Variants in SCAF4 observed in about 807,000 individuals in gnomAD.
SCAF4 encodes SR-related and CTD-associated factor 4.
Under a neutral mutation model 129.8 loss-of-function variants are expected in SCAF4, and 25 were observed. The ratio of observed to expected loss-of-function variants is 0.19; its 90% CI spans 0.14 to 0.27. The LOEUF is 0.27. Among genes scored for constraint, SCAF4 ranks in the 10% least tolerant of loss-of-function variants. The pLI is 1.00. For synonymous variants in SCAF4, 551 were observed against 497.7 expected (o/e 1.11, Z -1.43); for missense variants, 1,246 against 1,457.1 (o/e 0.86, Z 2.36).
rs2049714695 is a variant in SCAF4 at position 31,671,977 on chromosome 21, G to A, written c.2866C>T (p.Pro956Ser). The change falls in exon 20 of 20, where the codon CCC becomes TCC. Residue 956 changes from proline (P) to serine (S), a missense_variant. This residue lies in a region of SCAF4 where 339 missense variants were observed against 325.0 expected (regional missense o/e 1.04). Transcript: ENST00000286835. ...TGCTGCTGCTGCTGTGGTTGCTGGG[G>A]CGCCTGCGGCTGTGGCTGCTGCTGT... ...QPQQQPQPQA[P>S]QQPQQQQQQQ... The A allele has an allele frequency of 6.2e-7, 1 of 1,611,362 alleles. No individual in the cohort carries two copies. The highest frequency in any genetic ancestry group is 8.5e-7 in the Non-Finnish European group (1 of 1,177,918).
intron 3 of SCAF4, among the ~76,000 whole-genome samples, chr21:31,704,334 T>C (rs1282506123): frequency 6.6e-6 from 1 of 152,144 alleles, no homozygotes; most frequent in Non-Finnish European, 1.5e-5. Flanking sequence ...TTAATTCTAT[T>C]ACAGTACCAA....
Position 31,671,403 on chromosome 21 carries a change from C to CG in SCAF4, c.3439dup (p.Arg1147ProfsTer18). The CG allele has an allele frequency of 6.2e-7, 1 of 1,612,910 alleles. No individual in the cohort carries two copies. On this transcript the variant is annotated frameshift_variant, in exon 20 of 20. Coordinates refer to ENST00000286835, the MANE Select transcript of SCAF4 (RefSeq NM_020706.2). LOFTEE classifies it high-confidence loss of function. ...CATTTTCACAAATTCCAGTCTCTAACGAGGAGCCTCTGCTGCTGAGCCAGA... is the reference window on the plus strand; with the variant it reads ...CATTTTCACAAATTCCAGTCTCTAACGGAGGAGCCTCTGCTGCTGAGCCAGA...
chr21:31,681,972 C>T lies in SCAF4; in HGVS notation c.2488+3077G>A, dbSNP rs754932233. ...AAGATCCAAGAACTCAGTTAAGTCT[C>T]GCTCACTGGAAAAACTACAGATATC... On this transcript the variant is annotated intron_variant, in intron 19 of 19. Transcript: ENST00000286835. Among the ~76,000 whole-genome samples, 13 of 152,170 alleles carry T rather than the reference C, an allele frequency of 8.5e-5. No individual in the cohort carries two copies. In the East Asian group the frequency reaches 1.5e-3, roughly 18 times the overall value.
intron 7 of SCAF4, among the ~76,000 whole-genome samples, chr21:31,697,579 A>G (rs1457284025): frequency 1.3e-5 from 2 of 152,190 alleles, no homozygotes; most frequent in African/African-American, 4.8e-5. Context: ...AGTCCTTTTG[A>G]CTTCAAAGCC....
chr21:31,705,421 A>AC lies in SCAF4; in HGVS notation c.159+1dup. 1 of 1,235,028 alleles carries AC rather than the reference A, an allele frequency of 8.1e-7. No individual in the cohort carries two copies. The highest frequency in any genetic ancestry group is 1.1e-6 in the Non-Finnish European group (1 of 877,324). 76.5% of individuals were successfully genotyped at this position (1,235,028 alleles called of 1,614,324 possible). A position where few individuals can be genotyped will look rare whatever the true frequency, so the allele number is the denominator to read the frequency against. On this transcript the variant is annotated splice_donor_variant, in intron 3 of 19. Coordinates refer to ENST00000286835, the MANE Select transcript of SCAF4 (RefSeq NM_020706.2). LOFTEE classifies it high-confidence loss of function. Reference sequence around the variant, plus strand: ...AATGAGGTTATAATGAGAGATAGTTACCTTTTTGATGAACTTTTCTACTAT... The same window carrying AC: ...AATGAGGTTATAATGAGAGATAGTTACCCTTTTTGATGAACTTTTCTACTAT...
rs2050199465 is a variant in SCAF4, at chr21:31,689,215, A to T, written c.1886-751T>A. 1.3e-5 allele frequency among the ~76,000 whole-genome samples: 2 copies of T among 152,076 alleles called. 1 individual carries two copies. The highest frequency in any genetic ancestry group is 4.1e-4 in the South Asian group (2 of 4,820). On this transcript the variant is annotated intron_variant, in intron 15 of 19. Transcript: ENST00000286835. The stretch of plus-strand genomic sequence containing the variant: ...AGATGAAGGCTTTGTACATCCAGGG[A>T]GGGAGTGGGATGTGGGAATAGTACA...
intron 1 of SCAF4, among the ~76,000 whole-genome samples, chr21:31,714,301 A>G (rs943757322): frequency 2.0e-5 from 3 of 152,176 alleles, no homozygotes; most frequent in East Asian, 3.9e-4. Flanking sequence ...GAATGAATAA[A>G]AAGTGTCAAA....
At chr21:31,709,972 T>C (rs2050761174) in intron 1 of SCAF4, among the ~76,000 whole-genome samples, 2 of 151,640 alleles carry the variant, frequency 1.3e-5, no homozygotes, top group Non-Finnish European at 2.9e-5. Context: ...CCATACCTGA[T>C]ACAATGCTGC....
At chr21:31,672,436 A>G in intron 19 of SCAF4, 82 bp from the exon 20 acceptor site, 1 of 1,097,202 alleles carries the variant, frequency 9.1e-7, no homozygotes, top group Non-Finnish European at 1.3e-6. Context: ...CGCTTAAAGC[A>G]AAATAAAATT....
chr21:31,694,137 A>C, intron 11 of SCAF4, 67 bp downstream of exon 11: 1 of 841,898 alleles, frequency 1.2e-6, no homozygotes. Context: ...AAAATAACCC[A>C]ATCTAATTTT....
chr21:31,686,214 A>G (rs1214864773), intron 16 of SCAF4, among the ~76,000 whole-genome samples: 3 of 135,682 alleles, frequency 2.2e-5, no homozygotes, highest in African/African-American at 1.0e-4. Flanking sequence ...AAAAAAAAAA[A>G]AAGAAAAAAA....
rs546757948 is a variant in SCAF4 at position 31,671,556 on chromosome 21, G to C, written c.3287C>G (p.Pro1096Arg). 6.2e-7 allele frequency: 1 copy of C among 1,614,064 alleles called. No individual in the cohort carries two copies. The highest frequency in any genetic ancestry group is 1.7e-5 in the Admixed American group (1 of 60,014). ...GTCTACATTTCCCACTTGGCTAATG[G>C]GAGGTTCAACGGTTTTGTTACCACC... is the stretch of plus-strand genomic sequence containing the variant. ...RAGGNKTVEP[P>R]ISQVGNVDTA... The change falls in exon 20 of 20, where the codon CCC (proline) becomes CGC (arginine). Residue 1096 changes from proline to arginine, a missense_variant. This residue lies in a region of SCAF4 where 339 missense variants were observed against 325.0 expected (regional missense o/e 1.04). Coordinates refer to ENST00000286835, the MANE Select transcript of SCAF4 (RefSeq NM_020706.2).
chr21:31,730,423 A>G (rs76613192), intron 1 of SCAF4, among the ~76,000 whole-genome samples: 3,758 of 152,318 alleles, frequency 0.025, 156 homozygotes, highest in African/African-American at 0.086. Flanking sequence ...CACTTTTAGG[A>G]TAATTTATAT....
intron 19 of SCAF4, among the ~76,000 whole-genome samples, chr21:31,673,799 G>A (rs771124596): frequency 3.4e-4 from 52 of 152,330 alleles, no homozygotes; most frequent in Middle Eastern, 3.4e-3. Flanking sequence ...TTAATAGAGG[G>A]ATCATTATAT....
Position 31,712,101 on chromosome 21 carries a change from C to T in SCAF4, c.31-5744G>A, listed in dbSNP as rs562711305. Among the ~76,000 whole-genome samples, 185 of 152,172 alleles carry T rather than the reference C, an allele frequency of 1.2e-3. 1 individual carries two copies. The highest frequency in any genetic ancestry group is 5.9e-4 in the Non-Finnish European group (40 of 68,000). ...ATGAGGGAAAGCTTTAAATAGCCAG[C>T]ATGTTATACATTCAGAAATTCTTAT... On this transcript the variant is annotated intron_variant, in intron 1 of 19. Coordinates refer to ENST00000286835, the MANE Select transcript of SCAF4 (RefSeq NM_020706.2).
rs2050511369 is a variant in SCAF4 at position 31,700,834 on chromosome 21, A to C, written c.777+161T>G. ...TGCACTGAGCACATATCACATTTAA[A>C]ACCAGGGAAAATAATCGATGTTTTC... On this transcript the variant is annotated intron_variant, in intron 7 of 19. Coordinates refer to ENST00000286835, the MANE Select transcript of SCAF4 (RefSeq NM_020706.2). 12 of 864,560 alleles carry C rather than the reference A, an allele frequency of 1.4e-5. No individual in the cohort carries two copies. The East Asian group carries it at 3.1e-4, about 23-fold the overall frequency. 53.6% of individuals were successfully genotyped at this position (864,560 alleles called of 1,614,324 possible).
chr21:31,707,173 T>A (rs1023909859), intron 1 of SCAF4, among the ~76,000 whole-genome samples: 1 of 152,084 alleles, frequency 6.6e-6, no homozygotes, highest in Admixed American at 6.6e-5. Flanking sequence ...ACTTTTTATA[T>A]CCTATAATGT....
At chr21:31,716,765 A>G (rs1027434677) in intron 1 of SCAF4, among the ~76,000 whole-genome samples, 3 of 152,260 alleles carry the variant, frequency 2.0e-5, no homozygotes, top group Admixed American at 6.5e-5. Context: ...TGCCTTCAAT[A>G]TATAATTTAC....
chr21:31,672,223 G>T lies in SCAF4; in HGVS notation c.2620C>A (p.Pro874Thr). The change falls in exon 20 of 20, where the codon CCT becomes ACT. Residue 874 changes from proline (P) to threonine (T), a missense_variant. By Grantham distance (38) the Pro-to-Thr change is conservative. Transcript: ENST00000286835. ...GMPPPHLQRF[P>T]LMPPRPMPPH... ...GGCATGGGACGGGGCGGCATCAAAG[G>T]GAACCGCTGTAAGTGAGGTGGGGGC... 1 of 1,610,740 alleles carries T rather than the reference G, an allele frequency of 6.2e-7. No individual in the cohort carries two copies. The highest frequency in any genetic ancestry group is 1.7e-5 in the Admixed American group (1 of 59,578).
Sources: gnomAD v4.1 joint callset for allele counts (sites outside exome capture counted in the v4.1 genomes callset) on GRCh38, gnomAD v4.1.1 for gene constraint, gnomAD v4.1.1 regional missense constraint, MANE v1.5 for transcripts, NCBI Gene and HGNC (gene_info 2026-07-23, HGNC 2026-07-21) for gene names.